Variants in COL15A1 observed in about 807,000 individuals in gnomAD.
The protein encoded by COL15A1 is collagen type XV alpha 1 chain.
Under a neutral mutation model 165.9 loss-of-function variants are expected in COL15A1, and 111 were observed. The observed-to-expected ratio is 0.67, with a 90% CI of 0.57 to 0.78. COL15A1 has a LOEUF of 0.78. Ranked by LOEUF, COL15A1 falls within the 30% of genes least tolerant of loss-of-function variation. The probability of loss-of-function intolerance (pLI) is 0.00; values close to 1 mark genes in which losing one functional copy is unlikely to be tolerated. For synonymous variants in COL15A1, 659 were observed against 674.8 expected (o/e 0.98, Z 0.36); for missense variants, 1,745 against 1,789.7 (o/e 0.98, Z 0.45).
chr9:99,059,804 C>T, intron 35 of COL15A1, 85 bp from the exon 36 acceptor site: 1 of 1,477,420 alleles, frequency 6.8e-7, no homozygotes, highest in Non-Finnish European at 9.4e-7. Flanking sequence ...GGGTTGAACA[C>T]ACTTCTCTCC....
Position 99,036,145 on chromosome 9 carries a change from T to C in COL15A1, c.2290-25T>C, listed in dbSNP as rs781259036. ...GAGGTGAGCAAAGTGACTAGAAGAA[T>C]ATTTATTTTTGTTTATTTTTCCAGG... is the stretch of plus-strand genomic sequence containing the variant. On this transcript the variant is annotated intron_variant, in intron 19 of 41. Transcript: ENST00000375001. 28 of 1,592,528 alleles carry C rather than the reference T, an allele frequency of 1.8e-5. No homozygotes were observed. In the East Asian group the frequency reaches 6.2e-4, roughly 36 times the overall value.
At position 98,987,365 on chromosome 9, in the gene COL15A1, C is replaced by A; in HGVS notation, c.720C>A (p.Ser240=). 1 of 1,609,968 alleles carries A rather than the reference C, an allele frequency of 6.2e-7. No homozygotes were observed. Among genetic ancestry groups the A allele is most frequent in the Non-Finnish European group, 8.5e-7 (1 of 1,178,166 alleles). ...TPEELCDPEE[S]SASGETSGLQ... ...AGGAGCTGTGTGACCCTGAAGAGTC[C>A]TCGGTGAGCTCCCCTACTATCCCAC... is the stretch of plus-strand genomic sequence containing the variant. The change falls in exon 4 of 42, where the codon TCC becomes TCA. Residue 240 remains serine, a synonymous_variant. Coordinates refer to ENST00000375001, the MANE Select transcript of COL15A1 (RefSeq NM_001855.5).
chr9:99,047,032 G>T (rs1210695441), intron 26 of COL15A1, among the ~76,000 whole-genome samples: 2 of 152,216 alleles, frequency 1.3e-5, no homozygotes, highest in Non-Finnish European at 2.9e-5. Flanking sequence ...ATTCTTCTGG[G>T]AGACACAGCA....
intron 2 of COL15A1, among the ~76,000 whole-genome samples, chr9:98,958,705 T>C (rs931871883): frequency 6.6e-6 from 1 of 152,142 alleles, no homozygotes; most frequent in Non-Finnish European, 1.5e-5. Flanking sequence ...TGGGCTGATA[T>C]CAAATTGCAA....
chr9:99,001,073 A>G (rs1838644668), intron 7 of COL15A1, 122 bp downstream of exon 7: 1 of 671,032 alleles, frequency 1.5e-6, no homozygotes. Flanking sequence ...AATAGCATCA[A>G]GATTGCTTCT....
At chr9:98,973,489 T>C (rs543700718) in intron 2 of COL15A1, among the ~76,000 whole-genome samples, 1 of 152,330 alleles carries the variant, frequency 6.6e-6, no homozygotes, top group African/African-American at 2.4e-5. Context: ...TTTTAAGAAA[T>C]GCATCGGGTG....
chr9:99,023,174 G>C (rs780083654), intron 13 of COL15A1, among the ~76,000 whole-genome samples, 183 bp from the exon 14 acceptor site: 2 of 152,172 alleles, frequency 1.3e-5, no homozygotes, highest in Non-Finnish European at 2.9e-5. Flanking sequence ...GCTGGGAGGC[G>C]GCAAGAGAGA....
chr9:99,020,326 A>G, intron 11 of COL15A1, 63 bp from the exon 12 acceptor site: 2 of 1,205,090 alleles, frequency 1.7e-6, no homozygotes, highest in East Asian at 2.3e-5. Context: ...TGTCATCGGA[A>G]CTCAGCAGCC....
chr9:98,950,661 G>A (rs750891339), intron 2 of COL15A1, among the ~76,000 whole-genome samples: 5 of 147,194 alleles, frequency 3.4e-5, no homozygotes, highest in Non-Finnish European at 6.0e-5. Flanking sequence ...CACCCAGGCT[G>A]GAGTTGGTGG....
intron 31 of COL15A1, 79 bp downstream of exon 31, chr9:99,052,512 G>T (rs1165897825): frequency 8.4e-7 from 1 of 1,185,042 alleles, no homozygotes; most frequent in East Asian, 2.3e-5. Flanking sequence ...CCAGTGCAGG[G>T]CGCAGACTAG....
chr9:99,056,437 T>C, intron 35 of COL15A1, 33 bp downstream of exon 35: 1 of 1,570,054 alleles, frequency 6.4e-7, no homozygotes, highest in Non-Finnish European at 8.6e-7. Flanking sequence ...TTGTTCATGC[T>C]GTCCCTACCA....
At chr9:98,999,813 C>A (rs946177119) in intron 6 of COL15A1, among the ~76,000 whole-genome samples, 1 of 151,426 alleles carries the variant, frequency 6.6e-6, no homozygotes, top group Non-Finnish European at 1.5e-5. Flanking sequence ...AGCCACCATG[C>A]CCGGCCAATG....
rs1839388387 is a variant in COL15A1, at chr9:99,040,771, A to G, written c.2511+215A>G. Reference sequence around the variant, plus strand: ...TGAGCTCAAGAAATCCATCTGCGTCAGCCTCCCAAAGTGCTGGGATTACAA... The same window carrying G: ...TGAGCTCAAGAAATCCATCTGCGTCGGCCTCCCAAAGTGCTGGGATTACAA... On this transcript the variant is annotated intron_variant, in intron 23 of 41. Transcript: ENST00000375001. 5 of 749,792 alleles carry G rather than the reference A, an allele frequency of 6.7e-6. No individual in the cohort carries two copies. The South Asian group carries it at 7.9e-5, about 12-fold the overall frequency. The allele number at this position is 749,792 out of a possible 1,614,324, so 46.4% of individuals were successfully genotyped here.
At chr9:99,048,104 T>C (rs1202817957) in intron 28 of COL15A1, 104 bp downstream of exon 28, 2 of 746,126 alleles carry the variant, frequency 2.7e-6, no homozygotes, top group Non-Finnish European at 2.4e-6. Flanking sequence ...AGGAATGTTG[T>C]TCTTCTTCCT....
At chr9:98,953,259 G>T (rs1265663127) in intron 2 of COL15A1, among the ~76,000 whole-genome samples, 2 of 152,162 alleles carry the variant, frequency 1.3e-5, no homozygotes, top group African/African-American at 4.8e-5. Context: ...GAGGTGTTGG[G>T]AGGAGCCAGG....
intron 26 of COL15A1, 67 bp downstream of exon 26, chr9:99,044,837 G>T: frequency 7.2e-7 from 1 of 1,393,372 alleles, no homozygotes. Flanking sequence ...CTTTGATTTG[G>T]TTAGATTTAG....
intron 2 of COL15A1, among the ~76,000 whole-genome samples, chr9:98,956,487 G>A (rs996988232): frequency 2.0e-5 from 3 of 152,090 alleles, no homozygotes; most frequent in Admixed American, 1.3e-4. Flanking sequence ...GTGTGTGTAT[G>A]TATATGTTTT....
rs1825687027 is a variant in COL15A1 at position 99,054,653 on chromosome 9, C to T, written c.3028C>T (p.Pro1010Ser). The change falls in exon 32 of 42, where the codon CCA becomes TCA. Residue 1010 changes from proline (P) to serine (S), a missense_variant. Transcript: ENST00000375001. ...EKGDQGAQGP[P>S]GPPLDLAYLR... ...AGGCGACCAGGGAGCCCAGGGACCACCAGGTATTCCAGCTCTTGTTCTCAA... is the reference window on the plus strand; with the variant it reads ...AGGCGACCAGGGAGCCCAGGGACCATCAGGTATTCCAGCTCTTGTTCTCAA... 1 of 1,607,620 alleles carries T rather than the reference C, an allele frequency of 6.2e-7. No individual in the cohort carries two copies.
intron 2 of COL15A1, among the ~76,000 whole-genome samples, chr9:98,948,596 CAA>C (rs67986686): frequency 2.5e-3 from 252 of 100,522 alleles, no homozygotes; most frequent in Non-Finnish European, 2.6e-3. Flanking sequence ...GACTCTGTCT[CAA>C]AAAAAAAAAA....
Sources: allele counts gnomAD v4.1 joint callset (sites outside exome capture counted in the v4.1 genomes callset), GRCh38; gene constraint gnomAD v4.1.1; transcripts MANE v1.5; gene names NCBI Gene and HGNC (gene_info 2026-07-23, HGNC 2026-07-21).